UBN1: variants seen among roughly 807,000 people sequenced by gnomAD.
The protein encoded by UBN1 is ubinuclein-1.
Under a neutral mutation model 108.5 loss-of-function variants are expected in UBN1, and 17 were observed. The ratio of observed to expected loss-of-function variants is 0.16; its 90% CI spans 0.11 to 0.24. The LOEUF (loss-of-function observed/expected upper bound fraction) is 0.24, where lower values mean the gene tolerates loss of function less well. Among genes scored for constraint, UBN1 ranks in the 10% least tolerant of loss-of-function variants. The pLI, the probability that UBN1 is intolerant of heterozygous loss-of-function variation, is 1.00. For synonymous variants in UBN1, 726 were observed against 564.2 expected, an observed-to-expected ratio of 1.29 and a Z score of -4.07; for missense variants, 1,595 against 1,394.4, an observed-to-expected ratio of 1.14 and a Z score of -2.29.
At chr16:4,879,984 T>G (rs1308237952) in intron 17 of UBN1, 99 bp from the exon 18 acceptor site, 1 of 1,307,806 alleles carries the variant, frequency 7.6e-7, no homozygotes, top group Non-Finnish European at 1.1e-6. Context: ...TGGGGACTTT[T>G]GCTATTTAGG....
At position 4,872,300 on chromosome 16, in the gene UBN1, G is replaced by C. The variant is rs991359702; in HGVS notation, c.1707-584G>C. 6.1e-6 allele frequency: 6 copies of C among 985,276 alleles called. No individual in the cohort carries two copies. The South Asian group carries it at 1.9e-4, about 31-fold the overall frequency. 61.0% of individuals were successfully genotyped at this position (985,276 alleles called of 1,614,324 possible). The stretch of plus-strand genomic sequence containing the variant: ...GACTAGGCAATAAGGAAAGTGCTGT[G>C]CCCTTTAGGGAAGCATCACCATGAG... On this transcript the variant is annotated intron_variant, in intron 12 of 17. Transcript: ENST00000262376.
intron 2 of UBN1, among the ~76,000 whole-genome samples, chr16:4,853,857 T>C (rs1462999801): frequency 6.6e-6 from 1 of 152,086 alleles, no homozygotes; most frequent in East Asian, 1.9e-4. Context: ...CCACTGCACC[T>C]AGCCACAACT....
rs1482106539 is a variant in UBN1 at position 4,877,099 on chromosome 16, G to C, written c.3253G>C (p.Gly1085Arg). Residue 1085 changes from glycine to arginine, a missense_variant, in exon 16 of 18, where the codon GGC becomes CGC. Transcript: ENST00000262376. The surrounding 1 kb of genome is among the most constrained non-coding windows in gnomAD (Gnocchi z 4.3). ...TGPAPGSFHH[G>R]LGHSLLAGLH... ...CCCTGCCCCCGGGTCCTTCCACCAT[G>C]GCCTTGGCCACAGTAAGTGCTTCTT... 1 of 1,609,572 alleles carries C rather than the reference G, an allele frequency of 6.2e-7. No individual in the cohort carries two copies. Among genetic ancestry groups the C allele is most frequent in the Non-Finnish European group, 8.5e-7 (1 of 1,178,100 alleles).
chr16:4,866,840 C>T (rs370757992), intron 7 of UBN1, among the ~76,000 whole-genome samples: 25 of 152,148 alleles, frequency 1.6e-4, no homozygotes, highest in Non-Finnish European at 2.6e-4. Context: ...TTCATGAGCT[C>T]GTTACATAAA....
chr16:4,866,612 A>G (rs2087345518), intron 7 of UBN1, among the ~76,000 whole-genome samples: 1 of 152,214 alleles, frequency 6.6e-6, no homozygotes, highest in Non-Finnish European at 1.5e-5. Flanking sequence ...CCCAGGGCTC[A>G]AGTGATCCTG....
chr16:4,866,301 C>T (rs1043226796), intron 7 of UBN1, among the ~76,000 whole-genome samples: 1 of 152,178 alleles, frequency 6.6e-6, no homozygotes, highest in Admixed American at 6.5e-5. Flanking sequence ...TGGGCTTTCA[C>T]CTAGCCAAGG....
chr16:4,881,185 C>T lies in UBN1; in HGVS notation c.*1053C>T, dbSNP rs1376981895. 1 of 152,754 alleles carries T rather than the reference C, an allele frequency of 6.5e-6. No individual in the cohort carries two copies. The highest frequency in any genetic ancestry group is 2.1e-4 in the South Asian group (1 of 4,822). 9.5% of individuals were successfully genotyped at this position (152,754 alleles called of 1,614,324 possible). On this transcript the variant is annotated 3_prime_UTR_variant, in exon 18 of 18. Coordinates refer to ENST00000262376, the MANE Select transcript of UBN1 (RefSeq NM_001079514.3). ...CCAGGGGTCCCAAGTCACAGATAGA[C>T]ATTCCAGTTTGTATTCTTAGGAATC...
rs1230299982 is a variant in UBN1 at position 4,877,144 on chromosome 16, G to C, written c.3265+33G>C. On this transcript the variant is annotated intron_variant, in intron 16 of 17. Transcript: ENST00000262376. The surrounding 1 kb of genome is among the most constrained non-coding windows in gnomAD (Gnocchi z 4.3). ...CTTCTTTGCTGCCTCTGGTCACTCA[G>C]GAACCTCTAGATTGTGGCCAGGGGT... is the stretch of plus-strand genomic sequence containing the variant. 1 of 1,577,968 alleles carries C rather than the reference G, an allele frequency of 6.3e-7. No homozygotes were observed. The highest frequency in any genetic ancestry group is 1.4e-5 in the African/African-American group (1 of 73,956).
At chr16:4,860,126 A>G (rs1409601136) in intron 6 of UBN1, among the ~76,000 whole-genome samples, 158 bp downstream of exon 6, 1 of 152,154 alleles carries the variant, frequency 6.6e-6, no homozygotes, top group East Asian at 1.9e-4. Context: ...CTGGGCATAG[A>G]CGCTCACCTC....
At chr16:4,855,287 G>C (rs1222877725) in intron 2 of UBN1, among the ~76,000 whole-genome samples, 2 of 152,076 alleles carry the variant, frequency 1.3e-5, no homozygotes, top group African/African-American at 4.8e-5. Flanking sequence ...TTTTTGGTTA[G>C]AAGGATTAAT....
chr16:4,869,216 A>C (rs900317162), intron 8 of UBN1, among the ~76,000 whole-genome samples: 1 of 152,078 alleles, frequency 6.6e-6, no homozygotes, highest in African/African-American at 2.4e-5. Flanking sequence ...GGAGAGAGAG[A>C]AGGTGTTGCC....
At position 4,853,066 on chromosome 16, in the gene UBN1, C is replaced by G. The variant is rs1284698736; in HGVS notation, c.149C>G (p.Thr50Ser). The stretch of plus-strand genomic sequence containing the variant: ...GCAGCAGCTGTTCGGATTACACTCA[C>G]CCTCTTTGAACCAGATCACAAACGC... The part of the protein sequence containing the change: ...PAAAAVRITL[T>S]LFEPDHKRCP... Residue 50 changes from threonine (T) to serine (S), a missense_variant, in exon 2 of 18, where the codon ACC becomes AGC. This residue lies in a region of UBN1 where 181 missense variants were observed against 157.3 expected (regional missense o/e 1.15). Coordinates refer to ENST00000262376, the MANE Select transcript of UBN1 (RefSeq NM_001079514.3). 1 of 1,614,124 alleles carries G rather than the reference C, an allele frequency of 6.2e-7. No individual in the cohort carries two copies.
At chr16:4,861,132 C>CT in intron 7 of UBN1, 30 bp downstream of exon 7, 1 of 1,585,948 alleles carries the variant, frequency 6.3e-7, no homozygotes, top group Non-Finnish European at 8.6e-7. Context: ...CTGGGCTTTC[C>CT]TGGAAGCAGT....
chr16:4,873,226 G>C (rs565673256), intron 14 of UBN1, among the ~76,000 whole-genome samples, 153 bp downstream of exon 14: 119 of 152,288 alleles, frequency 7.8e-4, no homozygotes, highest in African/African-American at 2.8e-3. Flanking sequence ...ACAGGACAGA[G>C]ACCCAAGCCA....
Position 4,858,641 on chromosome 16 carries a change from C to T in UBN1, c.410C>T (p.Ser137Phe). 6.2e-7 allele frequency: 1 copy of T among 1,614,152 alleles called. No homozygotes were observed. Among genetic ancestry groups the T allele is most frequent in the Non-Finnish European group, 8.5e-7 (1 of 1,180,010 alleles). ...DMGYGYDESD[S>F]FIDNSEAYDE... is the part of the protein sequence containing the mutation. ...GGGTATGGTTATGATGAATCCGACT[C>T]CTTCATCGATAACTCTGAGGCGGTA... is the stretch of plus-strand genomic sequence containing the variant. Residue 137 changes from serine (S) to phenylalanine (F), a missense_variant, in exon 4 of 18, where the codon TCC (serine) becomes TTC (phenylalanine). Transcript: ENST00000262376.
intron 1 of UBN1, chr16:4,852,416 C>A (rs1460814027): frequency 6.4e-6 from 1 of 156,354 alleles, no homozygotes. Context: ...CTTTACTATC[C>A]TGGGGTAGGC....
Position 4,860,965 on chromosome 16 carries a change from G to A in UBN1, c.973G>A (p.Glu325Lys), listed in dbSNP as rs201278436. 19 of 1,614,260 alleles carry A rather than the reference G, an allele frequency of 1.2e-5. No homozygotes were observed. The highest frequency in any genetic ancestry group is 1.6e-5 in the Non-Finnish European group (19 of 1,180,048). ...GGAGCATCTGCTCAGTGAGTCTCCAGAAGGAAGTCCCTTCCGAGATATGGA... is the reference window on the plus strand; with the variant it reads ...GGAGCATCTGCTCAGTGAGTCTCCAAAAGGAAGTCCCTTCCGAGATATGGA... ...DLEHLLSESP[E>K]GSPFRDMDDG... Residue 325 changes from glutamate (E) to lysine (K), a missense_variant, in exon 7 of 18, where the codon GAA becomes AAA. By Grantham distance (56) the Glu-to-Lys change is moderately conservative. Coordinates refer to ENST00000262376, the MANE Select transcript of UBN1 (RefSeq NM_001079514.3).
intron 1 of UBN1, 172 bp downstream of exon 1, chr16:4,848,382 TCAG>T (rs921820157): frequency 2.0e-4 from 31 of 152,294 alleles, no homozygotes; most frequent in African/African-American, 7.2e-4. Flanking sequence ...GGCCCAAACT[TCAG>T]CAGACCAGGT....
chr16:4,850,790 C>T (rs769839051), intron 1 of UBN1, among the ~76,000 whole-genome samples: 14 of 151,998 alleles, frequency 9.2e-5, no homozygotes, highest in East Asian at 3.8e-4. Context: ...TGGATATATA[C>T]GATATATGCT....
Sources: gnomAD v4.1 joint callset for allele counts (sites outside exome capture counted in the v4.1 genomes callset) on GRCh38, gnomAD v4.1.1 for gene constraint, gnomAD v4.1.1 regional missense constraint, Gnocchi (gnomAD v3.1) non-coding constraint, MANE v1.5 for transcripts, NCBI Gene and HGNC (gene_info 2026-07-23, HGNC 2026-07-21) for gene names.